NCOA5: variants seen among roughly 807,000 people sequenced by gnomAD.
The protein encoded by NCOA5 is NCoA-5.
Under a neutral mutation model 59.0 loss-of-function variants are expected in NCOA5, and 12 were observed. The ratio of observed to expected loss-of-function variants is 0.20; its 90% confidence interval spans 0.13 to 0.33. The LOEUF (loss-of-function observed/expected upper bound fraction) is 0.33, where lower values mean the gene tolerates loss of function less well. NCOA5 is among the 10% of genes least tolerant of loss of function. The probability of loss-of-function intolerance (pLI) is 1.00; values close to 1 mark genes in which losing one functional copy is unlikely to be tolerated. For synonymous variants in NCOA5, 270 were observed against 275.5 expected (o/e 0.98, Z 0.20); for missense variants, 655 against 766.6 (o/e 0.85, Z 1.72).
At chr20:46,074,354 A>G (rs1456507015) in intron 2 of NCOA5, among the ~76,000 whole-genome samples, 1 of 152,180 alleles carries the variant, frequency 6.6e-6, no homozygotes, top group Non-Finnish European at 1.5e-5. Flanking sequence ...AGGTTTCTGG[A>G]GCATAATAAG....
At position 46,062,639 on chromosome 20, in the gene NCOA5, T is replaced by C; in HGVS notation, c.1401A>G (p.Thr467=). Residue 467 remains threonine, a synonymous_variant, in exon 8 of 8, where the codon ACA becomes ACG. Transcript: ENST00000290231. ...TTTGTTGAGGCTGGCTGTTTGCTGC[T>C]GTGGAAAAATTCTGGTTTGGGGTGT... ...AGNTPNQNFS[T]AANSQPQQRS... is the part of the protein sequence containing the mutation. 6.2e-7 allele frequency: 1 copy of C among 1,614,180 alleles called. No homozygotes were observed. Among genetic ancestry groups the C allele is most frequent in the Non-Finnish European group, 8.5e-7 (1 of 1,180,022 alleles).
chr20:46,086,656 G>C (rs1223918820), intron 1 of NCOA5, among the ~76,000 whole-genome samples: 1 of 152,140 alleles, frequency 6.6e-6, no homozygotes, highest in Non-Finnish European at 1.5e-5. Flanking sequence ...ACAAATATAT[G>C]TGCTATTCAC....
Position 46,067,135 on chromosome 20 carries a change from T to A in NCOA5, c.549A>T (p.Gln183His). ...EERRREELYR[Q>H]YFEEIQRRFD... ...AGCGTCTCTGGATTTCCTCAAAATATTGACGATAAAGCTCTTCTCTACGCC... is the reference window on the plus strand; with the variant it reads ...AGCGTCTCTGGATTTCCTCAAAATAATGACGATAAAGCTCTTCTCTACGCC... Residue 183 changes from glutamine (Q) to histidine (H), a missense_variant, in exon 5 of 8, where the codon CAA becomes CAT. This residue lies in a region of NCOA5 where 250 missense variants were observed against 260.1 expected (regional missense o/e 0.96). Transcript: ENST00000290231. 6.2e-7 allele frequency: 1 copy of A among 1,614,180 alleles called. No homozygotes were observed. The highest frequency in any genetic ancestry group is 8.5e-7 in the Non-Finnish European group (1 of 1,180,024).
Position 46,070,437 on chromosome 20 carries a change from C to T in NCOA5, c.138G>A (p.Arg46=). 1 of 1,614,090 alleles carries T rather than the reference C, an allele frequency of 6.2e-7. No homozygotes were observed. The highest frequency in any genetic ancestry group is 8.5e-7 in the Non-Finnish European group (1 of 1,180,022). ...GAATGTCTCTGCTGTCCCGGGCATCCCGGCCATTTCTGCCATCCCTGGGCT... is the reference window on the plus strand; with the variant it reads ...GAATGTCTCTGCTGTCCCGGGCATCTCGGCCATTTCTGCCATCCCTGGGCT... The part of the protein sequence containing the change: ...RREPRDGRNG[R]DARDSRDIRD... Residue 46 remains arginine, a synonymous_variant, in exon 3 of 8, where the codon CGG becomes CGA. Coordinates refer to ENST00000290231, the MANE Select transcript of NCOA5 (RefSeq NM_020967.3).
chr20:46,082,381 T>C (rs554946207), intron 1 of NCOA5, among the ~76,000 whole-genome samples: 2 of 152,082 alleles, frequency 1.3e-5, no homozygotes, highest in South Asian at 4.1e-4. Flanking sequence ...AGAAAGACAA[T>C]TTGGAGATCT....
intron 1 of NCOA5, among the ~76,000 whole-genome samples, chr20:46,085,686 A>G (rs914329007): frequency 1.3e-5 from 2 of 152,170 alleles, no homozygotes; most frequent in African/African-American, 4.8e-5. Context: ...GAACACGGGG[A>G]TAGGAGGAAT....
rs145579059 is a variant in NCOA5, at chr20:46,073,115, T to C, written c.39-2579A>G. On this transcript the variant is annotated intron_variant, in intron 2 of 7. Transcript: ENST00000290231. ...AGGAGTTCAGTAAATGTTTAATGAATTGAATTATTCTACTAAACTGTAAGC... is the reference window on the plus strand; with the variant it reads ...AGGAGTTCAGTAAATGTTTAATGAACTGAATTATTCTACTAAACTGTAAGC... 2.7e-3 allele frequency among the ~76,000 whole-genome samples: 413 copies of C among 152,336 alleles called. 5 individuals carry two copies. The highest frequency in any genetic ancestry group is 9.4e-3 in the African/African-American group (389 of 41,584).
At chr20:46,085,971 TG>T (rs928618116) in intron 1 of NCOA5, among the ~76,000 whole-genome samples, 3 of 152,170 alleles carry the variant, frequency 2.0e-5, no homozygotes, top group African/African-American at 7.2e-5. Context: ...AGAAAAAAAT[TG>T]AAAAAGTCAT....
intron 5 of NCOA5, 62 bp from the exon 6 acceptor site, chr20:46,065,290 G>A: frequency 1.3e-6 from 2 of 1,541,752 alleles, no homozygotes; most frequent in Non-Finnish European, 1.8e-6. Context: ...TGTGTCTCAA[G>A]CCAGTTGTGT....
chr20:46,062,909 G>C lies in NCOA5; in HGVS notation c.1151-20C>G. On this transcript the variant is annotated intron_variant, in intron 7 of 7. Coordinates refer to ENST00000290231, the MANE Select transcript of NCOA5 (RefSeq NM_020967.3). Reference sequence around the variant, plus strand: ...TCGGGCCTGGAAGACAGAAGAGGGAGGTATCTGGTTCAAAGTACCCCCCAA... The same window carrying C: ...TCGGGCCTGGAAGACAGAAGAGGGACGTATCTGGTTCAAAGTACCCCCCAA... 1 of 1,509,480 alleles carries C rather than the reference G, an allele frequency of 6.6e-7. No homozygotes were observed. Among genetic ancestry groups the C allele is most frequent in the Non-Finnish European group, 8.8e-7 (1 of 1,133,732 alleles). The allele number at this position is 1,509,480 out of a possible 1,614,324, so 93.5% of individuals were successfully genotyped here.
Position 46,081,805 on chromosome 20 carries a change from C to T in NCOA5, c.-29-2352G>A, listed in dbSNP as rs574017211. Among the ~76,000 whole-genome samples the T allele has an allele frequency of 3.3e-5, 5 of 151,092 alleles. No homozygotes were observed. The East Asian group carries it at 7.8e-4, about 24-fold the overall frequency. ...TTTTTTCCTATCTAATAGAATTGCTCAGATTAGGGTAGGGCTGGGGAGTTT... is the reference window on the plus strand; with the variant it reads ...TTTTTTCCTATCTAATAGAATTGCTTAGATTAGGGTAGGGCTGGGGAGTTT... On this transcript the variant is annotated intron_variant, in intron 1 of 7. Transcript: ENST00000290231.
chr20:46,069,237 C>T (rs1183673565), intron 3 of NCOA5, among the ~76,000 whole-genome samples: 1 of 152,188 alleles, frequency 6.6e-6, no homozygotes, highest in East Asian at 1.9e-4. Context: ...TCCCCTCTCC[C>T]CAGCCACTGG....
rs150327278 is a variant in NCOA5 at position 46,068,385 on chromosome 20, A to T, written c.502+117T>A. 26 of 1,060,660 alleles carry T rather than the reference A, an allele frequency of 2.5e-5. No individual in the cohort carries two copies. The African/African-American group carries it at 3.4e-4, about 14-fold the overall frequency. 65.7% of individuals were successfully genotyped at this position (1,060,660 alleles called of 1,614,324 possible). On this transcript the variant is annotated intron_variant, in intron 4 of 7. Transcript: ENST00000290231. ...AGCTACTTATATTTCTTCTTTTTAT[A>T]CACTGCTTGGCCAAGGCACTAGCCC...
At chr20:46,070,663 T>C in intron 2 of NCOA5, 127 bp from the exon 3 acceptor site, 1 of 806,834 alleles carries the variant, frequency 1.2e-6, no homozygotes, top group Non-Finnish European at 2.0e-6. Flanking sequence ...AAACAGAACA[T>C]GACTCAACAT....
rs754251040 is a variant in NCOA5, at chr20:46,062,280, G to T, written c.*20C>A. 1 of 1,592,304 alleles carries T rather than the reference G, an allele frequency of 6.3e-7. No homozygotes were observed. The highest frequency in any genetic ancestry group is 2.2e-5 in the East Asian group (1 of 44,622). On this transcript the variant is annotated 3_prime_UTR_variant, in exon 8 of 8. Coordinates refer to ENST00000290231, the MANE Select transcript of NCOA5 (RefSeq NM_020967.3). ...GAGGCCAGGGGATGAGGGGACTGGG[G>T]AGAGTTGAAAGATTTAGCTTCAGTA... is the stretch of plus-strand genomic sequence containing the variant.
intron 1 of NCOA5, among the ~76,000 whole-genome samples, chr20:46,088,510 A>C (rs191719528): frequency 6.6e-6 from 1 of 152,376 alleles, no homozygotes; most frequent in African/African-American, 2.4e-5. Flanking sequence ...CATAGAGAAA[A>C]CATTAAATTA....
chr20:46,072,291 C>T (rs1225577184), intron 2 of NCOA5, among the ~76,000 whole-genome samples: 1 of 152,138 alleles, frequency 6.6e-6, no homozygotes. Context: ...TGATCTGTTA[C>T]GTATGTAAAG....
chr20:46,077,822 G>C (rs2084953716), intron 2 of NCOA5, among the ~76,000 whole-genome samples: 1 of 152,154 alleles, frequency 6.6e-6, no homozygotes, highest in Middle Eastern at 3.2e-3. Flanking sequence ...TTCTGTGCTG[G>C]GACAATAAGG....
In NCOA5 at chr20:46,062,886, G is replaced by T; in HGVS notation, c.1154C>A (p.Pro385Gln). The change falls in exon 8 of 8, where the codon CCG (proline) becomes CAG (glutamine). Residue 385 changes from proline (P) to glutamine (Q), a missense_variant. Coordinates refer to ENST00000290231, the MANE Select transcript of NCOA5 (RefSeq NM_020967.3). ...MRSSTDSLPGPISRQPLGATS... is the reference protein window; with the variant it reads ...MRSSTDSLPGQISRQPLGATS... ...CGCCCCGAGTGGTTGGCGGGAAATCGGGCCTGGAAGACAGAAGAGGGAGGT... is the reference window on the plus strand; with the variant it reads ...CGCCCCGAGTGGTTGGCGGGAAATCTGGCCTGGAAGACAGAAGAGGGAGGT... 1 of 1,514,068 alleles carries T rather than the reference G, an allele frequency of 6.6e-7. No individual in the cohort carries two copies. The allele number at this position is 1,514,068 out of a possible 1,614,324, so 93.8% of individuals were successfully genotyped here.
Sources: gnomAD v4.1 joint callset for allele counts (sites outside exome capture counted in the v4.1 genomes callset) on GRCh38, gnomAD v4.1.1 for gene constraint, gnomAD v4.1.1 regional missense constraint, MANE v1.5 for transcripts, NCBI Gene and HGNC (gene_info 2026-07-23, HGNC 2026-07-21) for gene names.